The following SORCS2 variants were observed in gnomAD, a reference collection of about 807,000 sequenced individuals.
SORCS2 encodes the protein VPS10 domain-containing receptor SorCS2.
In SORCS2, 100 loss-of-function variants were observed where a neutral mutation model predicts 141.6. The observed-to-expected ratio is 0.71, with a 90% CI of 0.60 to 0.83. The LOEUF is 0.83. Among genes scored for constraint, SORCS2 ranks in the 40% least tolerant of loss-of-function variants. The pLI, the probability that SORCS2 is intolerant of heterozygous loss-of-function variation, is 0.00. For missense variants in SORCS2, 1,646 were observed against 1,560.2 expected (o/e 1.05, Z -0.93); for synonymous variants, 789 against 676.9 (o/e 1.17, Z -2.57).
rs562524047 is a variant in SORCS2, at chr4:7,453,727, G to A, written c.548+57372G>A. ...GTGTTGGGGTCAGGCACTGTGTTGG[G>A]GTCAGGAGCTGTGTGTTGGGGTCAG... is the stretch of plus-strand genomic sequence containing the variant. On this transcript the variant is annotated intron_variant, in intron 2 of 26. Coordinates refer to ENST00000507866, the MANE Select transcript of SORCS2 (RefSeq NM_020777.3). Among the ~76,000 whole-genome samples the A allele has an allele frequency of 1.1e-3, 137 of 129,314 alleles. 1 individual carries two copies. Among genetic ancestry groups the A allele is most frequent in the African/African-American group, 4.1e-3 (133 of 32,440 alleles). 84.8% of individuals were successfully genotyped at this position (129,314 alleles called of 152,430 possible). A position where few individuals can be genotyped will look rare whatever the true frequency, so the allele number is the denominator to read the frequency against.
intron 1 of SORCS2, among the ~76,000 whole-genome samples, chr4:7,325,817 C>T (rs1719218870): frequency 1.3e-5 from 2 of 152,292 alleles, no homozygotes; most frequent in Non-Finnish European, 1.5e-5. Flanking sequence ...CACAGAGACA[C>T]CCGTTACCAT....
At chr4:7,351,399 C>A (rs576203687) in intron 1 of SORCS2, among the ~76,000 whole-genome samples, 1 of 152,334 alleles carries the variant, frequency 6.6e-6, no homozygotes, top group South Asian at 2.1e-4. Flanking sequence ...TGCTCTCCTT[C>A]CAGCTCTGCT....
At chr4:7,383,127 C>T (rs914314703) in intron 1 of SORCS2, among the ~76,000 whole-genome samples, 2 of 152,050 alleles carry the variant, frequency 1.3e-5, no homozygotes, top group South Asian at 2.1e-4. Context: ...AACAGGGCCT[C>T]GTGTCATGGA....
intron 3 of SORCS2, among the ~76,000 whole-genome samples, chr4:7,576,260 G>A (rs6810631): frequency 0.013 from 2,015 of 152,326 alleles, 45 homozygotes; most frequent in African/African-American, 0.046. Flanking sequence ...ATCGGGAGGC[G>A]TGGGTTGGCT....
chr4:7,207,477 C>T (rs542805435), intron 1 of SORCS2, among the ~76,000 whole-genome samples: 10 of 152,290 alleles, frequency 6.6e-5, no homozygotes, highest in East Asian at 1.9e-4. Context: ...CTCCTGGAGG[C>T]GGGCAGGTTC....
At chr4:7,433,609 T>G (rs1481446746) in intron 2 of SORCS2, 2 of 1,611,550 alleles carry the variant, frequency 1.2e-6, no homozygotes, top group African/African-American at 2.7e-5. Context: ...GCAGCCACCC[T>G]TGAAGGCCAC....
chr4:7,380,476 CAAA>C (rs1722918793), intron 1 of SORCS2, among the ~76,000 whole-genome samples: 2 of 27,696 alleles, frequency 7.2e-5, no homozygotes, highest in African/African-American at 6.2e-4. Flanking sequence ...ATTCTGAATT[CAAA>C]TTCAAGAGAA....
intron 2 of SORCS2, among the ~76,000 whole-genome samples, chr4:7,440,072 A>T (rs1727559714): frequency 6.6e-6 from 1 of 152,192 alleles, no homozygotes; most frequent in African/African-American, 2.4e-5. Flanking sequence ...CTCCACCCAC[A>T]CTTTAACAAA....
chr4:7,193,197 C>T lies in SORCS2; in HGVS notation c.480+71C>T, dbSNP rs950532092. ...GCGGGACACCCGGGCGGGACCGCCA[C>T]GGCCCCCACCCCAGATCCCCACTAT... On this transcript the variant is annotated intron_variant, in intron 1 of 26. Transcript: ENST00000507866. The surrounding 1 kb of genome is among the most constrained non-coding windows in gnomAD (Gnocchi z 4.8). 8.0e-6 allele frequency: 11 copies of T among 1,380,924 alleles called. No individual in the cohort carries two copies. The highest frequency in any genetic ancestry group is 1.0e-5 in the Non-Finnish European group (11 of 1,069,796). 85.5% of individuals were successfully genotyped at this position (1,380,924 alleles called of 1,614,324 possible). A position where few individuals can be genotyped will look rare whatever the true frequency, so the allele number is the denominator to read the frequency against.
chr4:7,494,332 C>T (rs1057413974), intron 2 of SORCS2, among the ~76,000 whole-genome samples: 1 of 152,162 alleles, frequency 6.6e-6, no homozygotes, highest in Non-Finnish European at 1.5e-5. Context: ...TTTAAGCAAT[C>T]TTGTGGCGAA....
rs188374410 is a variant in SORCS2, at chr4:7,740,045, G to A, written c.3416-155G>A. 3.8e-3 allele frequency among the ~76,000 whole-genome samples: 580 copies of A among 152,226 alleles called. 5 individuals carry two copies. Among genetic ancestry groups the A allele is most frequent in the Non-Finnish European group, 5.6e-3 (379 of 67,988 alleles). ...CCTCAGGCACCCACCTAGGAACCGC[G>A]GAGACCCCCTGCACCTGCACGGGCT... On this transcript the variant is annotated intron_variant, in intron 26 of 26. Transcript: ENST00000507866.
chr4:7,711,934 G>A (rs999284829), intron 14 of SORCS2, among the ~76,000 whole-genome samples: 3 of 152,040 alleles, frequency 2.0e-5, no homozygotes, highest in Non-Finnish European at 2.9e-5. Flanking sequence ...GACCCTTCTC[G>A]GTCATGGAGC....
chr4:7,536,425 A>G (rs2109564132), intron 3 of SORCS2, among the ~76,000 whole-genome samples: 1 of 152,362 alleles, frequency 6.6e-6, no homozygotes, highest in East Asian at 1.9e-4. Context: ...CATAAAACAA[A>G]TTTGACTTTA....
At chr4:7,622,160 C>G (rs995436682) in intron 3 of SORCS2, among the ~76,000 whole-genome samples, 5 of 152,132 alleles carry the variant, frequency 3.3e-5, no homozygotes, top group African/African-American at 1.2e-4. Flanking sequence ...CCTCCTTCTC[C>G]CCTCACCCAG....
chr4:7,362,917 TCACCATCACCATCATTACTACCAACA>T (rs1446120014), intron 1 of SORCS2, among the ~76,000 whole-genome samples: 3 of 149,086 alleles, frequency 2.0e-5, no homozygotes, highest in Non-Finnish European at 4.5e-5. Flanking sequence ...ACTATCATCA[TCACCATCACCATCATTACTACCAACA>T]TCACCATCAC....
At chr4:7,712,336 C>A (rs1397802781) in intron 14 of SORCS2, among the ~76,000 whole-genome samples, 1 of 152,242 alleles carries the variant, frequency 6.6e-6, no homozygotes, top group East Asian at 1.9e-4. Context: ...GCTGCAGATG[C>A]AGCCACCTGA....
chr4:7,659,711 C>T (rs1182840166), intron 5 of SORCS2, among the ~76,000 whole-genome samples: 5 of 152,176 alleles, frequency 3.3e-5, no homozygotes, highest in Non-Finnish European at 4.4e-5. Flanking sequence ...CCAGCCAGCC[C>T]CATGCAGGTG....
intron 1 of SORCS2, among the ~76,000 whole-genome samples, chr4:7,210,875 A>G (rs1341908864): frequency 6.6e-6 from 1 of 152,068 alleles, no homozygotes; most frequent in African/African-American, 2.4e-5. Context: ...TGAGCCCCCA[A>G]CAAGAGAAGC....
intron 2 of SORCS2, among the ~76,000 whole-genome samples, chr4:7,470,494 C>T (rs1009890933): frequency 2.0e-5 from 3 of 152,224 alleles, no homozygotes; most frequent in East Asian, 1.9e-4. Context: ...TTCATGGAGG[C>T]TTTAACTGCC....
Sources: allele counts gnomAD v4.1 joint callset (sites outside exome capture counted in the v4.1 genomes callset), GRCh38; gene constraint gnomAD v4.1.1; non-coding constraint Gnocchi (gnomAD v3.1); transcripts MANE v1.5; gene names NCBI Gene and HGNC (gene_info 2026-07-23, HGNC 2026-07-21).